CALD1: variants seen among roughly 807,000 people sequenced by gnomAD.
CALD1 encodes caldesmon 1.
In CALD1, 33 loss-of-function variants were observed where a neutral mutation model predicts 99.9. The observed-to-expected ratio is 0.33, with a 90% confidence interval of 0.25 to 0.44. The LOEUF (loss-of-function observed/expected upper bound fraction) is 0.44. Among genes scored for constraint, CALD1 ranks in the 20% least tolerant of loss-of-function variants. The pLI, the probability that CALD1 is intolerant of heterozygous loss-of-function variation, is 1.00. For missense variants in CALD1, 861 were observed against 962.1 expected (o/e 0.89, Z 1.39); for synonymous variants, 310 against 325.0 (o/e 0.95, Z 0.50).
chr7:134,964,268 G>A (rs1208848091), intron 13 of CALD1, among the ~76,000 whole-genome samples: 1 of 152,204 alleles, frequency 6.6e-6, no homozygotes, highest in Non-Finnish European at 1.5e-5. Context: ...AGTGATTCCA[G>A]AGCAAGTTGT....
the CALD1 span, among the ~76,000 whole-genome samples, chr7:134,726,994 C>T: frequency 1.3e-5 from 2 of 152,168 alleles, no homozygotes; most frequent in African/African-American, 4.8e-5. Context: ...AATGTTCCTC[C>T]TCCTCACAGC....
At chr7:134,901,973 A>G (rs1162091761) in intron 3 of CALD1, among the ~76,000 whole-genome samples, 1 of 152,056 alleles carries the variant, frequency 6.6e-6, no homozygotes, top group Non-Finnish European at 1.5e-5. Flanking sequence ...TTTAACATAT[A>G]TTTGGAGGTG....
intron 1 of CALD1, among the ~76,000 whole-genome samples, chr7:134,831,318 T>G (rs1799210215): frequency 6.6e-6 from 1 of 152,154 alleles, no homozygotes; most frequent in Admixed American, 6.5e-5. Context: ...ATTTTCTGCA[T>G]AATTTCTTTC....
chr7:134,883,176 C>G (rs1008266364), intron 3 of CALD1, among the ~76,000 whole-genome samples: 1 of 152,114 alleles, frequency 6.6e-6, no homozygotes, highest in African/African-American at 2.4e-5. Context: ...ATTCTTAGAT[C>G]TACTGGGAAA....
chr7:134,729,447 T>C, the CALD1 span, among the ~76,000 whole-genome samples: 10 of 152,320 alleles, frequency 6.6e-5, no homozygotes, highest in African/African-American at 1.9e-4. Flanking sequence ...TCACCTCGGA[T>C]AGTGGTGGCA....
chr7:134,908,579 C>G (rs1161400024), intron 3 of CALD1, among the ~76,000 whole-genome samples: 2 of 152,118 alleles, frequency 1.3e-5, no homozygotes, highest in Admixed American at 1.3e-4. Flanking sequence ...GGGGAGCTTT[C>G]AAAAGTTCTA....
chr7:134,779,854 G>C (rs1562996122), intron 1 of CALD1, 105 bp downstream of exon 1: 3 of 395,150 alleles, frequency 7.6e-6, no homozygotes, highest in Non-Finnish European at 1.3e-5. Flanking sequence ...ATGCAAGAAT[G>C]TTCAAGGCAA....
In CALD1 at chr7:134,935,762, A is replaced by G. The variant is rs1296998777; in HGVS notation, c.1383A>G (p.Glu461=). The stretch of plus-strand genomic sequence containing the variant: ...AAGACAAGCCTACCTTCAAAAAAGA[A>G]GAGGTAAATATGATTGAAAAGTAAT... ...LQEDKPTFKK[E]EIKDEKIKKD... Residue 461 remains glutamate (E), a synonymous_variant, in exon 6 of 15, where the codon GAA becomes GAG. Transcript: ENST00000361675. 6.3e-7 allele frequency: 1 copy of G among 1,588,714 alleles called. No homozygotes were observed. The highest frequency in any genetic ancestry group is 8.6e-7 in the Non-Finnish European group (1 of 1,169,026).
the CALD1 span, among the ~76,000 whole-genome samples, chr7:134,734,296 T>C: frequency 3.3e-5 from 5 of 152,218 alleles, no homozygotes; most frequent in African/African-American, 1.2e-4. Flanking sequence ...TTTGTTCATT[T>C]TGGTTTCTAG....
At chr7:134,747,332 C>G (rs188491439) in intron 1 of CALD1, among the ~76,000 whole-genome samples, 1 of 152,302 alleles carries the variant, frequency 6.6e-6, no homozygotes, top group East Asian at 1.9e-4. Flanking sequence ...TCAAGATGCA[C>G]ATGGAGCCAG....
At chr7:134,935,211 G>C (rs558634067) in intron 5 of CALD1, among the ~76,000 whole-genome samples, 1 of 152,196 alleles carries the variant, frequency 6.6e-6, no homozygotes, top group African/African-American at 2.4e-5. Flanking sequence ...CTGTCTGCAA[G>C]ACTGCATTGA....
intron 14 of CALD1, among the ~76,000 whole-genome samples, chr7:134,966,908 C>T (rs1432659558): frequency 6.6e-6 from 1 of 151,966 alleles, no homozygotes; most frequent in Non-Finnish European, 1.5e-5. Context: ...TGGAATGGTT[C>T]CCAGGAAGAC....
chr7:134,948,004 GTTTTGT>G (rs1027851642), intron 8 of CALD1: 115 of 455,450 alleles, frequency 2.5e-4, no homozygotes, highest in African/African-American at 6.1e-4. Flanking sequence ...GCACAGAGAG[GTTTTGT>G]TTTTGTTTTT....
rs555700495 is a variant in CALD1, at chr7:134,893,746, C to T, written c.71+25942C>T. On this transcript the variant is annotated intron_variant, in intron 3 of 14. Transcript: ENST00000361675. The stretch of plus-strand genomic sequence containing the variant: ...CATCCTTCTATTACTAGCTTTGTAC[C>T]GTCAATCGAGGAAAATGACGAGGCA... Among the ~76,000 whole-genome samples, 9 of 152,228 alleles carry T rather than the reference C, an allele frequency of 5.9e-5. No homozygotes were observed. In the East Asian group the frequency reaches 7.7e-4, roughly 13 times the overall value.
intron 3 of CALD1, among the ~76,000 whole-genome samples, chr7:134,898,975 A>G (rs1179003918): frequency 1.3e-5 from 2 of 152,252 alleles, no homozygotes; most frequent in African/African-American, 2.4e-5. Flanking sequence ...GTAGATTTAT[A>G]AACACTAATT....
chr7:134,903,575 T>A (rs945009338), intron 3 of CALD1, among the ~76,000 whole-genome samples: 1 of 152,138 alleles, frequency 6.6e-6, no homozygotes, highest in East Asian at 1.9e-4. Flanking sequence ...GCAGCAAGCT[T>A]TGGCATTTCT....
intron 3 of CALD1, among the ~76,000 whole-genome samples, chr7:134,886,634 C>T (rs981127450): frequency 6.6e-6 from 1 of 152,158 alleles, no homozygotes; most frequent in Admixed American, 6.5e-5. Context: ...GGCGTCTAGC[C>T]TAGAAAAGAC....
intron 1 of CALD1, among the ~76,000 whole-genome samples, chr7:134,748,403 T>C (rs533011399): frequency 6.6e-6 from 1 of 152,170 alleles, no homozygotes; most frequent in African/African-American, 2.4e-5. Flanking sequence ...GAAATGAATA[T>C]ATTTTGCATG....
At chr7:134,954,475 T>G (rs1807614041) in intron 9 of CALD1, among the ~76,000 whole-genome samples, 1 of 152,186 alleles carries the variant, frequency 6.6e-6, no homozygotes, top group South Asian at 2.1e-4. Flanking sequence ...CAGTACAAAT[T>G]GTTTAGAGCC....
Sources: allele counts gnomAD v4.1 joint callset (sites outside exome capture counted in the v4.1 genomes callset), GRCh38; gene constraint gnomAD v4.1.1; transcripts MANE v1.5; gene names NCBI Gene and HGNC (gene_info 2026-07-23, HGNC 2026-07-21).